The following BCAR3 variants were observed in gnomAD, a reference collection of about 807,000 sequenced individuals.
BCAR3 encodes the protein breast cancer anti-estrogen resistance protein 3.
A neutral mutation model predicts 80.1 loss-of-function variants in BCAR3; 37 were observed. That is an observed-to-expected ratio of 0.46 (90% CI 0.36 to 0.61). BCAR3 has a LOEUF of 0.61. Ranked by LOEUF, BCAR3 falls within the 20% of genes least tolerant of loss-of-function variation. BCAR3 has a pLI of 0.00. For missense variants in BCAR3, 978 were observed against 1,068.2 expected, an observed-to-expected ratio of 0.92 and a Z score of 1.18; for synonymous variants, 389 against 418.9, an observed-to-expected ratio of 0.93 and a Z score of 0.87.
chr1:93,709,387 C>T (rs1649939427), intron 2 of BCAR3, among the ~76,000 whole-genome samples: 1 of 152,194 alleles, frequency 6.6e-6, no homozygotes, highest in Non-Finnish European at 1.5e-5. Flanking sequence ...GAAAGAGAGA[C>T]CAATGAATCT....
chr1:93,613,954 C>T, intron 3 of BCAR3: 2 of 1,550,058 alleles, frequency 1.3e-6, no homozygotes, highest in Non-Finnish European at 1.7e-6. Flanking sequence ...GTCCCGGGGA[C>T]CACACACTTT....
At chr1:93,619,029 C>G (rs1260978827) in intron 3 of BCAR3, among the ~76,000 whole-genome samples, 1 of 151,298 alleles carries the variant, frequency 6.6e-6, no homozygotes, top group Non-Finnish European at 1.5e-5. Flanking sequence ...ACCTCTGCCT[C>G]CCAGGTTCGA....
At chr1:93,574,428 G>A (rs1012843610) in intron 8 of BCAR3, among the ~76,000 whole-genome samples, 1 of 152,154 alleles carries the variant, frequency 6.6e-6, no homozygotes. Flanking sequence ...CTACTCCCCA[G>A]GCTCTAAAAA....
intron 11 of BCAR3, among the ~76,000 whole-genome samples, chr1:93,563,134 G>GGTAA (rs1473046802): frequency 6.6e-6 from 1 of 152,036 alleles, no homozygotes; most frequent in Admixed American, 6.6e-5. Flanking sequence ...GATTTATGAT[G>GGTAA]GTAAGTTTTT....
rs755495708 is a variant in BCAR3, at chr1:93,571,822, C to T, written c.1822G>A (p.Gly608Ser). 6 of 1,613,826 alleles carry T rather than the reference C, an allele frequency of 3.7e-6. No homozygotes were observed. Among genetic ancestry groups the T allele is most frequent in the South Asian group, 3.3e-5 (3 of 91,036 alleles). The change falls in exon 9 of 12, where the codon GGC becomes AGC. Residue 608 changes from glycine to serine, a missense_variant. Gly to Ser is a moderately conservative substitution (Grantham distance 56). Coordinates refer to ENST00000260502, the MANE Select transcript of BCAR3 (RefSeq NM_003567.4). ...CATCCCAGAATGTCCACTGCAATGCCGATGGCCATTGTGTTGTGTCTGAAA... is the reference window on the plus strand; with the variant it reads ...CATCCCAGAATGTCCACTGCAATGCTGATGGCCATTGTGTTGTGTCTGAAA... ...IIERHNTMAIGIAVDILGCTG... is the reference protein window; with the variant it reads ...IIERHNTMAISIAVDILGCTG...
In BCAR3 at chr1:93,636,071, C is replaced by A. The variant is rs17110186; in HGVS notation, c.357+6233G>T. Among the ~76,000 whole-genome samples the A allele has an allele frequency of 4.0e-3, 615 of 152,306 alleles. 3 individuals carry two copies. The highest frequency in any genetic ancestry group is 0.014 in the Middle Eastern group (4 of 294). On this transcript the variant is annotated intron_variant, in intron 3 of 11. Coordinates refer to ENST00000260502, the MANE Select transcript of BCAR3 (RefSeq NM_003567.4). ...AAATATGCTGGGTGACCTAATATAT[C>A]CCCAGCCGGCTGCAGGAAATGGCCT... is the stretch of plus-strand genomic sequence containing the variant.
chr1:93,619,230 G>A (rs1675237848), intron 3 of BCAR3, among the ~76,000 whole-genome samples: 1 of 151,888 alleles, frequency 6.6e-6, no homozygotes, highest in African/African-American at 2.4e-5. Context: ...ACAGGCGTGA[G>A]CCACTGTGCC....
chr1:93,645,129 T>C (rs1676114551), intron 2 of BCAR3, among the ~76,000 whole-genome samples: 1 of 151,748 alleles, frequency 6.6e-6, no homozygotes, highest in South Asian at 2.1e-4. Context: ...CTCGTGGGAG[T>C]GTCTAGGGGG....
At chr1:93,708,692 C>T (rs542658292) in intron 2 of BCAR3, among the ~76,000 whole-genome samples, 29 of 152,296 alleles carry the variant, frequency 1.9e-4, no homozygotes, top group African/African-American at 7.0e-4. Flanking sequence ...ATAGAGTCCC[C>T]TATATAACTT....
intron 2 of BCAR3, among the ~76,000 whole-genome samples, chr1:93,668,776 A>T (rs1159183417): frequency 1.8e-4 from 27 of 147,490 alleles, no homozygotes; most frequent in Admixed American, 6.9e-5. Context: ...TAGTGGTGTG[A>T]TCTTGACTCA....
intron 2 of BCAR3, among the ~76,000 whole-genome samples, chr1:93,651,401 C>T (rs950891938): frequency 5.3e-5 from 8 of 152,180 alleles, no homozygotes; most frequent in African/African-American, 1.9e-4. Context: ...GTCCTCTGTC[C>T]AGACTGTTGG....
At chr1:93,846,185 C>T (rs1655170160) in intron 1 of BCAR3, among the ~76,000 whole-genome samples, 1 of 152,188 alleles carries the variant, frequency 6.6e-6, no homozygotes, top group African/African-American at 2.4e-5. Flanking sequence ...CTGGACTCTT[C>T]CCAGGACTTC....
intron 2 of BCAR3, among the ~76,000 whole-genome samples, chr1:93,659,134 G>A (rs895842324): frequency 6.6e-6 from 1 of 152,178 alleles, no homozygotes; most frequent in African/African-American, 2.4e-5. Context: ...CAAAATCTTA[G>A]CTGGGGATAA....
chr1:93,677,170 T>C (rs934931546), intron 1 of BCAR3, among the ~76,000 whole-genome samples: 1 of 152,168 alleles, frequency 6.6e-6, no homozygotes, highest in African/African-American at 2.4e-5. Context: ...AAAGGAACAA[T>C]TAATTTTGAC....
At chr1:93,746,415 G>T (rs1235635926) in intron 2 of BCAR3, among the ~76,000 whole-genome samples, 1 of 152,186 alleles carries the variant, frequency 6.6e-6, no homozygotes, top group East Asian at 1.9e-4. Context: ...GTAAAGTTGA[G>T]ACCTTCTATG....
At chr1:93,658,515 G>C (rs930678003) in intron 2 of BCAR3, among the ~76,000 whole-genome samples, 7 of 152,022 alleles carry the variant, frequency 4.6e-5, no homozygotes, top group Admixed American at 3.3e-4. Context: ...AGCTGGGCAT[G>C]GTGGCACACT....
chr1:93,720,374 A>T (rs1041669162), intron 2 of BCAR3: 1 of 152,258 alleles, frequency 6.6e-6, no homozygotes, highest in African/African-American at 2.4e-5. Flanking sequence ...TGGACTCTGG[A>T]GGCTGGTGCC....
chr1:93,743,086 T>TA (rs1049239752), intron 2 of BCAR3, among the ~76,000 whole-genome samples: 1 of 152,220 alleles, frequency 6.6e-6, no homozygotes, highest in Non-Finnish European at 1.5e-5. Flanking sequence ...TATAGGTTAA[T>TA]AAAAAATATT....
chr1:93,767,692 GAAAAT>G (rs1652202976), intron 2 of BCAR3, among the ~76,000 whole-genome samples: 1 of 152,086 alleles, frequency 6.6e-6, no homozygotes, highest in African/African-American at 2.4e-5. Context: ...TTTTCGGTAT[GAAAAT>G]AAAATATATA....
Sources: allele counts gnomAD v4.1 joint callset (sites outside exome capture counted in the v4.1 genomes callset), GRCh38; gene constraint gnomAD v4.1.1; transcripts MANE v1.5; gene names NCBI Gene and HGNC (gene_info 2026-07-23, HGNC 2026-07-21).